IL3RA: variants seen among roughly 807,000 people sequenced by gnomAD.
The protein encoded by IL3RA is interleukin 3 receptor subunit alpha.
Under a neutral mutation model 52.3 loss-of-function variants are expected in IL3RA, and 73 were observed. The observed-to-expected ratio is 1.40, with a 90% CI of 1.16 to 1.70. The LOEUF is 1.70. IL3RA is among the 40% of genes most tolerant of loss of function. The probability of loss-of-function intolerance (pLI) is 0.00; values close to 1 mark genes in which losing one functional copy is unlikely to be tolerated. For synonymous variants in IL3RA, 260 were observed against 194.0 expected, an observed-to-expected ratio of 1.34 and a Z score of -2.83; for missense variants, 664 against 504.4, an observed-to-expected ratio of 1.32 and a Z score of -3.03.
chrX:1,349,811 C>T (rs1229289934), intron 4 of IL3RA, among the ~76,000 whole-genome samples: 8 of 151,724 alleles, frequency 5.3e-5, no homozygotes, highest in Admixed American at 3.3e-4. Flanking sequence ...TACAGGCACC[C>T]GCCACCAAGC....
chrX:1,345,576 A>C, intron 3 of IL3RA, 142 bp downstream of exon 3: 1 of 465,706 alleles, frequency 2.1e-6, no homozygotes. Context: ...TGCAACCTCC[A>C]CCTCCCAGGT....
rs754028521 is a variant in IL3RA, at chrX:1,368,723, G to A, written c.874+3471G>A. 4.6e-5 allele frequency among the ~76,000 whole-genome samples: 7 copies of A among 150,742 alleles called. No homozygotes were observed. In the East Asian group the frequency reaches 7.9e-4, roughly 17 times the overall value. On this transcript the variant is annotated intron_variant, in intron 9 of 11. Coordinates refer to ENST00000331035, the MANE Select transcript of IL3RA (RefSeq NM_002183.4). Reference sequence around the variant, plus strand: ...ACCCTGTGGGACACAGGGAGAAGACGGCGTCTCCAAGCCCAGGAGAGGGGC... The same window carrying A: ...ACCCTGTGGGACACAGGGAGAAGACAGCGTCTCCAAGCCCAGGAGAGGGGC...
intron 1 of IL3RA, among the ~76,000 whole-genome samples, chrX:1,339,590 G>A (rs1201353256): frequency 2.6e-5 from 4 of 152,038 alleles, no homozygotes; most frequent in Admixed American, 6.6e-5. Flanking sequence ...TCAGGAGTTC[G>A]AGACCAGCCT....
rs775936828 is a variant in IL3RA, at chrX:1,352,103, G to A, written c.302G>A (p.Gly101Glu). Residue 101 changes from glycine (G) to glutamate (E), a missense_variant, in exon 5 of 12, where the codon GGG (glycine) becomes GAG (glutamate). By Grantham distance (98) the Gly-to-Glu change is moderately conservative (BLOSUM62 -2). Transcript: ENST00000331035. ...STWILFPENS[G>E]KPWAGAENLT... Reference sequence around the variant, plus strand: ...TCTTTCATGTTTGTGAACCCAGGTGGGAAGCCTTGGGCAGGTGCGGAGAAT... The same window carrying A: ...TCTTTCATGTTTGTGAACCCAGGTGAGAAGCCTTGGGCAGGTGCGGAGAAT... 2 of 1,613,654 alleles carry A rather than the reference G, an allele frequency of 1.2e-6. No individual in the cohort carries two copies. Among genetic ancestry groups the A allele is most frequent in the South Asian group, 1.1e-5 (1 of 91,062 alleles).
At chrX:1,362,910 G>A (rs1239526617) in intron 8 of IL3RA, among the ~76,000 whole-genome samples, 1 of 151,884 alleles carries the variant, frequency 6.6e-6, no homozygotes, top group East Asian at 1.9e-4. Context: ...CGAGTAGCTG[G>A]GACTACAGGT....
In IL3RA at chrX:1,351,960, T is replaced by C. The variant is rs2148963746; in HGVS notation, c.299-140T>C. ...TTGCATTTTTAGTAGAGATTGGGTTTCTCCATGTTGGCCAGGCTGGTCTCG... is the reference window on the plus strand; with the variant it reads ...TTGCATTTTTAGTAGAGATTGGGTTCCTCCATGTTGGCCAGGCTGGTCTCG... On this transcript the variant is annotated intron_variant, in intron 4 of 11. Transcript: ENST00000331035. The C allele has an allele frequency of 2.8e-6, 3 of 1,059,258 alleles. No individual in the cohort carries two copies. The South Asian group carries it at 4.9e-5, about 17-fold the overall frequency. 65.6% of individuals were successfully genotyped at this position (1,059,258 alleles called of 1,614,324 possible). A position where few individuals can be genotyped will look rare whatever the true frequency, so the allele number is the denominator to read the frequency against.
chrX:1,343,757 C>A (rs2085592807), intron 2 of IL3RA, among the ~76,000 whole-genome samples: 1 of 146,264 alleles, frequency 6.8e-6, no homozygotes, highest in Non-Finnish European at 1.5e-5. Flanking sequence ...CTAAGAGAGA[C>A]CTTCTTTTTC....
intron 9 of IL3RA, among the ~76,000 whole-genome samples, chrX:1,377,739 C>T (rs1276774127): frequency 3.4e-5 from 5 of 149,152 alleles, no homozygotes; most frequent in African/African-American, 9.9e-5. Flanking sequence ...GATCACGGCT[C>T]ACTGTAGCCT....
At chrX:1,363,331 C>A (rs1332181599) in intron 8 of IL3RA, among the ~76,000 whole-genome samples, 1 of 140,838 alleles carries the variant, frequency 7.1e-6, no homozygotes, top group Non-Finnish European at 1.5e-5. Context: ...GACGGAGTCT[C>A]GCTCTGTCAC....
chrX:1,361,953 G>C (rs1274224523), intron 8 of IL3RA, among the ~76,000 whole-genome samples: 3 of 151,710 alleles, frequency 2.0e-5, no homozygotes, highest in Admixed American at 6.6e-5. Flanking sequence ...ATTTGGGTGG[G>C]GACACAGCCA....
At chrX:1,362,328 CCTGT>C (rs1338073867) in intron 8 of IL3RA, among the ~76,000 whole-genome samples, 1 of 118,656 alleles carries the variant, frequency 8.4e-6, no homozygotes, top group Non-Finnish European at 1.8e-5. Flanking sequence ...TCCGTCTCTC[CCTGT>C]CTGTTTCTAT....
intron 1 of IL3RA, among the ~76,000 whole-genome samples, chrX:1,340,862 A>T (rs2085461705): frequency 6.6e-6 from 1 of 152,144 alleles, no homozygotes; most frequent in Non-Finnish European, 1.5e-5. Flanking sequence ...GACGCCTGTC[A>T]TCCCAGCACT....
Position 1,382,669 on chromosome X carries a change from G to C in IL3RA, c.*204G>C, listed in dbSNP as rs1406389109. On this transcript the variant is annotated 3_prime_UTR_variant, in exon 12 of 12. Coordinates refer to ENST00000331035, the MANE Select transcript of IL3RA (RefSeq NM_002183.4). ...TTGTGTGTTTATTTCATGATAAAGT[G>C]ATTTTTTTTTTTTTAACCCACTCAC... The C allele has an allele frequency of 5.7e-6, 3 of 527,830 alleles. No individual in the cohort carries two copies. The highest frequency in any genetic ancestry group is 5.6e-5 in the African/African-American group (2 of 35,728). 32.7% of individuals were successfully genotyped at this position (527,830 alleles called of 1,614,324 possible).
chrX:1,381,075 A>G lies in IL3RA; in HGVS notation c.1033A>G (p.Ile345Val). The G allele has an allele frequency of 6.2e-7, 1 of 1,613,788 alleles. No individual in the cohort carries two copies. Among genetic ancestry groups the G allele is most frequent in the Non-Finnish European group, 8.5e-7 (1 of 1,179,804 alleles). Residue 345 changes from isoleucine (I) to valine (V), a missense_variant, in exon 11 of 12, where the codon ATC becomes GTC. Ile to Val is a conservative substitution (Grantham distance 29). Transcript: ENST00000331035. ...CCGCATCCCTCACATGAAAGACCCC[A>G]TCGGTGACAGCTTCCAAAACGACAA... ...FPRIPHMKDP[I>V]GDSFQNDKLV...
chrX:1,345,563 C>A, intron 3 of IL3RA, 129 bp downstream of exon 3: 2 of 506,506 alleles, frequency 3.9e-6, no homozygotes, highest in Non-Finnish European at 6.5e-6. Flanking sequence ...GATCTCCGCT[C>A]TCTGCAACCT....
At chrX:1,353,365 CTCATCATGGGTT>C (rs1436255874) in intron 6 of IL3RA, among the ~76,000 whole-genome samples, 4 of 148,528 alleles carry the variant, frequency 2.7e-5, no homozygotes, top group Non-Finnish European at 5.9e-5. Flanking sequence ...CATGGGATCC[CTCATCATGGGTT>C]TCATCATGGG....
At chrX:1,363,126 T>G (rs6603266) in intron 8 of IL3RA, among the ~76,000 whole-genome samples, 77 of 150,640 alleles carry the variant, frequency 5.1e-4, no homozygotes, top group Admixed American at 1.2e-3. Context: ...GGGCCCCCCC[T>G]GATCCAAAAT....
chrX:1,361,668 G>A (rs1282127809), intron 8 of IL3RA, among the ~76,000 whole-genome samples: 6 of 149,874 alleles, frequency 4.0e-5, no homozygotes, highest in South Asian at 2.1e-4. Flanking sequence ...CAGGAGAATC[G>A]CTTGAACCCG....
At chrX:1,377,291 A>C (rs1325966576) in intron 9 of IL3RA, among the ~76,000 whole-genome samples, 5 of 151,518 alleles carry the variant, frequency 3.3e-5, no homozygotes, top group African/African-American at 1.2e-4. Context: ...GCCAGGCTGG[A>C]GTGCAGTGGC....
Sources: gnomAD v4.1 joint callset for allele counts (sites outside exome capture counted in the v4.1 genomes callset) on GRCh38, gnomAD v4.1.1 for gene constraint, MANE v1.5 for transcripts, NCBI Gene and HGNC (gene_info 2026-07-23, HGNC 2026-07-21) for gene names.